ADAM10: variants seen among roughly 807,000 people sequenced by gnomAD.
ADAM10 encodes the protein disintegrin and metalloproteinase domain-containing protein 10.
Under a neutral mutation model 90.1 loss-of-function variants are expected in ADAM10, and 17 were observed. The observed-to-expected ratio is 0.19, with a 90% CI of 0.13 to 0.28. ADAM10 has a LOEUF of 0.28. Among genes scored for constraint, ADAM10 ranks in the 10% least tolerant of loss-of-function variants. The probability of loss-of-function intolerance (pLI) is 1.00; values close to 1 mark genes in which losing one functional copy is unlikely to be tolerated. For synonymous variants in ADAM10, 310 were observed against 298.6 expected, an observed-to-expected ratio of 1.04 and a Z score of -0.40; for missense variants, 610 against 914.3, an observed-to-expected ratio of 0.67 and a Z score of 4.29.
intron 8 of ADAM10, among the ~76,000 whole-genome samples, chr15:58,640,119 T>C (rs1313348027): frequency 1.3e-5 from 2 of 152,192 alleles, no homozygotes; most frequent in African/African-American, 4.8e-5. Flanking sequence ...CCCACTGTAA[T>C]GGGAAGGGTA....
At chr15:58,685,871 C>A (rs74017282) in intron 2 of ADAM10, among the ~76,000 whole-genome samples, 6,641 of 152,052 alleles carry the variant, frequency 0.044, 368 homozygotes, top group African/African-American at 0.13. Flanking sequence ...GCTCTTTGGA[C>A]AGATGAATCA....
At chr15:58,718,763 C>T (rs424346) in intron 1 of ADAM10, among the ~76,000 whole-genome samples, 5,281 of 152,246 alleles carry the variant, frequency 0.035, 98 homozygotes, top group Middle Eastern at 0.051. Context: ...CTGAACACTA[C>T]AGTGGAAGCC....
intron 9 of ADAM10, 53 bp downstream of exon 9, chr15:58,633,143 A>C: frequency 2.7e-6 from 4 of 1,503,874 alleles, no homozygotes; most frequent in Non-Finnish European, 3.7e-6. Context: ...ATCACTCAAC[A>C]TAAAAATTAG....
At chr15:58,603,270 G>A (rs1365788967) in intron 14 of ADAM10, among the ~76,000 whole-genome samples, 1 of 152,122 alleles carries the variant, frequency 6.6e-6, no homozygotes, top group Non-Finnish European at 1.5e-5. Flanking sequence ...TCGCAAGACA[G>A]GGTAGAAGGC....
intron 5 of ADAM10, among the ~76,000 whole-genome samples, chr15:58,648,362 T>G (rs1390374178): frequency 1.3e-5 from 2 of 152,130 alleles, no homozygotes; most frequent in Non-Finnish European, 2.9e-5. Context: ...GACTCAAACA[T>G]TGAGAAGTAT....
At chr15:58,747,863 T>C (rs1187537664) in intron 1 of ADAM10, 1 of 152,234 alleles carries the variant, frequency 6.6e-6, no homozygotes, top group African/African-American at 2.4e-5. Context: ...AAAGAACATT[T>C]AGTATACTAC....
At chr15:58,636,072 T>C (rs1896241952) in intron 8 of ADAM10, among the ~76,000 whole-genome samples, 1 of 151,740 alleles carries the variant, frequency 6.6e-6, no homozygotes, top group Non-Finnish European at 1.5e-5. Context: ...AGATCAGGAG[T>C]TGGAGACCAG....
intron 1 of ADAM10, chr15:58,747,627 T>C (rs962102473): frequency 6.6e-6 from 1 of 152,172 alleles, no homozygotes; most frequent in Non-Finnish European, 1.5e-5. Flanking sequence ...TGATACTAAT[T>C]TTAAAATAAA....
At chr15:58,683,931 A>G (rs1307225122) in intron 2 of ADAM10, among the ~76,000 whole-genome samples, 1 of 151,526 alleles carries the variant, frequency 6.6e-6, no homozygotes, top group Non-Finnish European at 1.5e-5. Flanking sequence ...GGGATTGGTT[A>G]CAGGACCCCC....
chr15:58,655,650 TTGCATACA>T lies in ADAM10; in HGVS notation c.585+9439_585+9446del, dbSNP rs1280261029. 1.2e-4 allele frequency among the ~76,000 whole-genome samples: 10 copies of T among 85,936 alleles called. No individual in the cohort carries two copies. The East Asian group carries it at 9.0e-3, about 77-fold the overall frequency. 56.4% of individuals were successfully genotyped at this position (85,936 alleles called of 152,430 possible). ...AAATCCTCTTGCTGAACTGATCCCT[TTGCATACA>T]TACATACATACATACATACATATAT... is the stretch of plus-strand genomic sequence containing the variant. On this transcript the variant is annotated intron_variant, in intron 5 of 15. Transcript: ENST00000260408.
chr15:58,632,851 G>C (rs12907237), intron 9 of ADAM10, among the ~76,000 whole-genome samples: 21,035 of 152,054 alleles, frequency 0.14, 1,713 homozygotes, highest in South Asian at 0.32. Context: ...CATTCAAAAT[G>C]TACTTTTAAA....
chr15:58,712,002 TAC>T (rs1898489130), intron 2 of ADAM10, among the ~76,000 whole-genome samples: 1 of 152,110 alleles, frequency 6.6e-6, no homozygotes, highest in Non-Finnish European at 1.5e-5. Flanking sequence ...AATATATATA[TAC>T]ATACAACGTA....
At chr15:58,741,914 T>C (rs1284480504) in intron 1 of ADAM10, among the ~76,000 whole-genome samples, 1 of 152,208 alleles carries the variant, frequency 6.6e-6, no homozygotes, top group African/African-American at 2.4e-5. Flanking sequence ...CCTTATTTCC[T>C]GACACAGACT....
intron 5 of ADAM10, among the ~76,000 whole-genome samples, chr15:58,655,763 T>TTTTC (rs1896814476): frequency 1.8e-5 from 2 of 111,746 alleles, no homozygotes; most frequent in Non-Finnish European, 3.4e-5. Context: ...TTTTTTTTTT[T>TTTTC]TGAAACAGAG....
chr15:58,660,289 A>C (rs1324381478), intron 5 of ADAM10, among the ~76,000 whole-genome samples: 1 of 151,928 alleles, frequency 6.6e-6, no homozygotes, highest in Non-Finnish European at 1.5e-5. Flanking sequence ...AACCTTCTAC[A>C]TTCAAGTAAT....
At chr15:58,652,596 G>A (rs1381568764) in intron 5 of ADAM10, among the ~76,000 whole-genome samples, 5 of 152,112 alleles carry the variant, frequency 3.3e-5, no homozygotes, top group East Asian at 1.9e-4. Context: ...ATGGGTCTAC[G>A]TGTCTGTTTT....
chr15:58,605,682 G>A (rs1448461892), intron 14 of ADAM10, among the ~76,000 whole-genome samples: 1 of 152,104 alleles, frequency 6.6e-6, no homozygotes, highest in African/African-American at 2.4e-5. Context: ...ATATCCCAGA[G>A]ACAAGGGTGT....
chr15:58,743,545 A>G (rs1257494880), intron 1 of ADAM10, among the ~76,000 whole-genome samples: 1 of 152,162 alleles, frequency 6.6e-6, no homozygotes, highest in African/African-American at 2.4e-5. Context: ...CTTACTAGAA[A>G]CCAGCACAGT....
chr15:58,731,373 C>T (rs748266740), intron 1 of ADAM10, among the ~76,000 whole-genome samples: 3 of 152,106 alleles, frequency 2.0e-5, no homozygotes, highest in African/African-American at 7.2e-5. Flanking sequence ...AATCCTAACA[C>T]TTTGGGGGGC....
Sources: allele counts gnomAD v4.1 joint callset (sites outside exome capture counted in the v4.1 genomes callset), GRCh38; gene constraint gnomAD v4.1.1; transcripts MANE v1.5; gene names NCBI Gene and HGNC (gene_info 2026-07-23, HGNC 2026-07-21).